MAST4: variants seen among roughly 807,000 people sequenced by gnomAD.
MAST4 encodes microtubule associated serine/threonine kinase family member 4, also known as microtubule-associated serine/threonine-protein kinase 4.
Under a neutral mutation model 162.7 loss-of-function variants are expected in MAST4, and 89 were observed. The ratio of observed to expected loss-of-function variants is 0.55; its 90% confidence interval spans 0.46 to 0.65. The LOEUF is 0.65. MAST4 is among the 30% of genes least tolerant of loss of function. The pLI is 0.00. For synonymous variants in MAST4, 1,479 were observed against 1,361.1 expected, an observed-to-expected ratio of 1.09 and a Z score of -1.91; for missense variants, 3,153 against 3,374.0, an observed-to-expected ratio of 0.93 and a Z score of 1.62.
At chr5:67,098,079 T>C (rs1435877162) in intron 7 of MAST4, among the ~76,000 whole-genome samples, 1 of 152,138 alleles carries the variant, frequency 6.6e-6, no homozygotes, top group African/African-American at 2.4e-5. Flanking sequence ...ACTTTAACTG[T>C]TTAAAAAATC....
chr5:66,991,654 A>G (rs1302684819), intron 4 of MAST4, among the ~76,000 whole-genome samples: 2 of 152,226 alleles, frequency 1.3e-5, no homozygotes, highest in Middle Eastern at 3.2e-3. Context: ...TTTCCGAGCC[A>G]TGATTTTTGC....
At chr5:67,061,297 A>G (rs1399041590) in intron 5 of MAST4, among the ~76,000 whole-genome samples, 1 of 152,228 alleles carries the variant, frequency 6.6e-6, no homozygotes. Flanking sequence ...TACTATTCGT[A>G]ATGTACATGT....
chr5:66,840,089 A>G (rs1010667294), intron 3 of MAST4, among the ~76,000 whole-genome samples: 2 of 152,080 alleles, frequency 1.3e-5, no homozygotes, highest in Non-Finnish European at 2.9e-5. Context: ...TGCACTCCTC[A>G]GGAAAGTGGT....
intron 5 of MAST4, among the ~76,000 whole-genome samples, chr5:67,065,521 G>A (rs1018346995): frequency 4.6e-5 from 7 of 152,086 alleles, no homozygotes; most frequent in Admixed American, 2.0e-4. Flanking sequence ...CAGGGGCTCC[G>A]TTAGTGTGAG....
intron 1 of MAST4, among the ~76,000 whole-genome samples, chr5:66,612,932 A>G (rs531813531): frequency 1.3e-4 from 20 of 152,226 alleles, no homozygotes; most frequent in African/African-American, 4.1e-4. Context: ...GTAATTTTGT[A>G]TCTAATTAAA....
chr5:67,015,800 T>A lies in MAST4; in HGVS notation c.675-38604T>A, dbSNP rs548657435. ...CATTTACAAATACTTGGAGGGGCTA[T>A]TTATGAGTCATGCATCTCTCTGTGA... On this transcript the variant is annotated intron_variant, in intron 4 of 28. Transcript: ENST00000403625. Among the ~76,000 whole-genome samples the A allele has an allele frequency of 5.3e-5, 8 of 152,338 alleles. No homozygotes were observed. The South Asian group carries it at 1.7e-3, about 32-fold the overall frequency.
intron 21 of MAST4, chr5:67,142,783 G>A: frequency 2.7e-6 from 1 of 370,188 alleles, no homozygotes; most frequent in African/African-American, 2.1e-5. Flanking sequence ...CTGAGACCTT[G>A]GGCTTACCTG....
At chr5:66,765,975 A>G (rs1397466963) in intron 2 of MAST4, among the ~76,000 whole-genome samples, 1 of 152,224 alleles carries the variant, frequency 6.6e-6, no homozygotes, top group Non-Finnish European at 1.5e-5. Flanking sequence ...TTGCTAAATA[A>G]GCACCTAGAA....
chr5:67,132,093 G>C, intron 16 of MAST4, 142 bp downstream of exon 16: 1 of 930,930 alleles, frequency 1.1e-6, no homozygotes, highest in Non-Finnish European at 1.6e-6. Context: ...AGTATATATG[G>C]TAATTTGTAT....
intron 18 of MAST4, 61 bp downstream of exon 18, chr5:67,134,749 C>G: frequency 7.2e-7 from 1 of 1,385,614 alleles, no homozygotes; most frequent in Non-Finnish European, 9.9e-7. Context: ...TAATGTAAAT[C>G]TGTTGAGTGT....
At chr5:67,157,115 T>G (rs543253062) in intron 26 of MAST4, among the ~76,000 whole-genome samples, 2 of 152,364 alleles carry the variant, frequency 1.3e-5, no homozygotes, top group Middle Eastern at 6.8e-3. Context: ...ATCGACCTAG[T>G]AAGCCACCTT....
At chr5:66,890,277 A>G (rs1762285983) in intron 3 of MAST4, among the ~76,000 whole-genome samples, 1 of 152,216 alleles carries the variant, frequency 6.6e-6, no homozygotes, top group Non-Finnish European at 1.5e-5. Context: ...ACTGTTGGCT[A>G]CTACTCAGCA....
intron 4 of MAST4, among the ~76,000 whole-genome samples, chr5:66,919,905 CTT>C (rs1764388638): frequency 6.1e-4 from 1 of 1,636 alleles, no homozygotes; most frequent in East Asian, 0.01. Flanking sequence ...TCTCTCCTTC[CTT>C]CCTTCCTTCC....
intron 5 of MAST4, among the ~76,000 whole-genome samples, chr5:67,062,450 T>C (rs16896222): frequency 0.045 from 6,907 of 152,248 alleles, 393 homozygotes; most frequent in African/African-American, 0.13. Context: ...ATTGCCTTTG[T>C]TGTGTTTATT....
intron 4 of MAST4, among the ~76,000 whole-genome samples, chr5:67,022,830 G>T (rs1305107749): frequency 6.6e-6 from 1 of 151,918 alleles, no homozygotes; most frequent in African/African-American, 2.4e-5. Flanking sequence ...ATTTGTGTGT[G>T]TGAAATAAGA....
intron 21 of MAST4, among the ~76,000 whole-genome samples, chr5:67,144,256 C>T (rs1220570412): frequency 6.6e-6 from 1 of 152,066 alleles, no homozygotes; most frequent in Non-Finnish European, 1.5e-5. Flanking sequence ...TTCTTCCCAC[C>T]CCTGACTGGT....
At chr5:66,949,400 G>T (rs540879524) in intron 4 of MAST4, among the ~76,000 whole-genome samples, 2 of 152,088 alleles carry the variant, frequency 1.3e-5, no homozygotes, top group Non-Finnish European at 2.9e-5. Flanking sequence ...GTGAGTTCTC[G>T]TGAGATCTGA....
intron 3 of MAST4, among the ~76,000 whole-genome samples, chr5:66,805,538 G>C (rs893057292): frequency 2.6e-5 from 4 of 152,128 alleles, no homozygotes; most frequent in Non-Finnish European, 2.9e-5. Flanking sequence ...ATCATCCCTT[G>C]TGAAAATATT....
At chr5:67,003,480 C>A (rs1751523162) in intron 4 of MAST4, among the ~76,000 whole-genome samples, 1 of 152,194 alleles carries the variant, frequency 6.6e-6, no homozygotes, top group Non-Finnish European at 1.5e-5. Context: ...ACCCCCTCTT[C>A]CTTCTCTTTA....
Sources: allele counts gnomAD v4.1 joint callset (sites outside exome capture counted in the v4.1 genomes callset), GRCh38; gene constraint gnomAD v4.1.1; transcripts MANE v1.5; gene names NCBI Gene and HGNC (gene_info 2026-07-23, HGNC 2026-07-21).